Variants in AGFG1 observed in about 807,000 individuals in gnomAD.
The protein encoded by AGFG1 is arf-GAP domain and FG repeat-containing protein 1.
In AGFG1, 10 loss-of-function variants were observed where a neutral mutation model predicts 60.6. The ratio of observed to expected loss-of-function variants is 0.16; its 90% CI spans 0.10 to 0.28. The LOEUF (loss-of-function observed/expected upper bound fraction) is 0.28. Among genes scored for constraint, AGFG1 ranks in the 10% least tolerant of loss-of-function variants. AGFG1 has a pLI of 1.00. For missense variants in AGFG1, 537 were observed against 676.5 expected (o/e 0.79, Z 2.29); for synonymous variants, 247 against 242.9 (o/e 1.02, Z -0.16).
intron 4 of AGFG1, among the ~76,000 whole-genome samples, chr2:227,524,317 G>A (rs1336887309): frequency 2.0e-5 from 3 of 152,088 alleles, no homozygotes; most frequent in African/African-American, 4.8e-5. Context: ...GATTTCTTTA[G>A]TAGTAGAGTT....
chr2:227,478,112 A>G (rs1229524657), intron 1 of AGFG1, among the ~76,000 whole-genome samples: 2 of 148,956 alleles, frequency 1.3e-5, no homozygotes, highest in African/African-American at 4.9e-5. Flanking sequence ...GCATGTGCAT[A>G]CTACCATGTG....
chr2:227,513,582 C>A (rs1389810058), intron 2 of AGFG1, among the ~76,000 whole-genome samples: 1 of 152,334 alleles, frequency 6.6e-6, no homozygotes, highest in South Asian at 2.1e-4. Context: ...CCTGCTGTTA[C>A]TAACCCTGGG....
At chr2:227,489,068 G>C (rs2106165831) in intron 1 of AGFG1, among the ~76,000 whole-genome samples, 1 of 151,940 alleles carries the variant, frequency 6.6e-6, no homozygotes, top group East Asian at 1.9e-4. Flanking sequence ...TTCCACCTTG[G>C]CCTCCCAAAG....
At chr2:227,506,558 TAAAAAAAAAA>T (rs5839223) in intron 2 of AGFG1, among the ~76,000 whole-genome samples, 4 of 106,306 alleles carry the variant, frequency 3.8e-5, no homozygotes, top group Non-Finnish European at 5.4e-5. Flanking sequence ...TGATGTTCCT[TAAAAAAAAAA>T]AAAAAAAAAA....
chr2:227,523,967 AG>A (rs1232508576), intron 4 of AGFG1, 42 bp downstream of exon 4: 18 of 1,555,680 alleles, frequency 1.2e-5, no homozygotes, highest in African/African-American at 9.5e-5. Flanking sequence ...CGACTTAAAG[AG>A]GGCTTGAGTA....
At position 227,488,405 on chromosome 2, in the gene AGFG1, G is replaced by A. The variant is rs73081475; in HGVS notation, c.168-3142G>A. On this transcript the variant is annotated intron_variant, in intron 1 of 12. Coordinates refer to ENST00000310078, the MANE Select transcript of AGFG1 (RefSeq NM_004504.5). Reference sequence around the variant, plus strand: ...TCATTGAACAGTTTGAGAAGTATACGGGTATAGTTGTTTGCTCCAAAATTT... The same window carrying A: ...TCATTGAACAGTTTGAGAAGTATACAGGTATAGTTGTTTGCTCCAAAATTT... Among the ~76,000 whole-genome samples the A allele has an allele frequency of 5.7e-3, 862 of 152,318 alleles. 9 individuals carry two copies. Among genetic ancestry groups the A allele is most frequent in the African/African-American group, 0.019 (807 of 41,572 alleles).
intron 10 of AGFG1, among the ~76,000 whole-genome samples, chr2:227,537,582 A>G (rs1559194766): frequency 6.6e-6 from 1 of 151,824 alleles, no homozygotes; most frequent in East Asian, 1.9e-4. Flanking sequence ...TGTTGTCTCC[A>G]TTTTATTTTT....
intron 5 of AGFG1, among the ~76,000 whole-genome samples, chr2:227,525,536 A>G (rs571334681): frequency 6.6e-6 from 1 of 152,326 alleles, no homozygotes; most frequent in South Asian, 2.1e-4. Context: ...CAAGGTCCAC[A>G]GACTGCAGTT....
At position 227,531,168 on chromosome 2, in the gene AGFG1, T is replaced by G; in HGVS notation, c.772T>G (p.Phe258Val). 6.2e-7 allele frequency: 1 copy of G among 1,613,552 alleles called. No homozygotes were observed. Among genetic ancestry groups the G allele is most frequent in the South Asian group, 1.1e-5 (1 of 91,018 alleles). The change falls in exon 6 of 13, where the codon TTC becomes GTC. Residue 258 changes from phenylalanine (F) to valine (V), a missense_variant. Phe to Val is a conservative substitution (Grantham distance 50). Transcript: ENST00000310078. ...TAGTGGTTCGAGTAATTTTGGAGGT[T>G]TCCCCACAGCAAGTCACTCTCCTTT... Reference protein sequence around the residue: ...QSSGSSNFGGFPTASHSPFQP... With the variant: ...QSSGSSNFGGVPTASHSPFQP...
At chr2:227,504,955 T>C (rs13409350) in intron 2 of AGFG1, among the ~76,000 whole-genome samples, 6,887 of 152,296 alleles carry the variant, frequency 0.045, 199 homozygotes, top group African/African-American at 0.088. Flanking sequence ...CTGTGATTGA[T>C]GGTGTTTAGA....
intron 1 of AGFG1, 74 bp downstream of exon 1, chr2:227,472,662 C>A: frequency 6.8e-7 from 1 of 1,466,782 alleles, no homozygotes; most frequent in Non-Finnish European, 9.1e-7. Context: ...GACCGGGACC[C>A]TTCCGGGGCT....
intron 1 of AGFG1, among the ~76,000 whole-genome samples, chr2:227,484,804 A>G (rs925337866): frequency 2.7e-5 from 4 of 148,418 alleles, no homozygotes; most frequent in African/African-American, 7.5e-5. Context: ...CCTGGGTTCA[A>G]GTGATCTTCC....
At chr2:227,532,340 A>G (rs938288040) in intron 6 of AGFG1, 2 of 599,010 alleles carry the variant, frequency 3.3e-6, no homozygotes, top group Non-Finnish European at 5.3e-6. Flanking sequence ...TTCCAACTCT[A>G]TTTATTAAAC....
rs191472894 is a variant in AGFG1, at chr2:227,498,878, G to T, written c.261+7238G>T. Among the ~76,000 whole-genome samples the T allele has an allele frequency of 1.1e-3, 170 of 152,128 alleles. 2 individuals carry two copies. Among genetic ancestry groups the T allele is most frequent in the Admixed American group, 7.5e-3 (114 of 15,284 alleles). The stretch of plus-strand genomic sequence containing the variant: ...CATTCTAGCTTCCTGTAATCTCTTA[G>T]CTTGTTTTTTTCTTGCCATTGTGTG... On this transcript the variant is annotated intron_variant, in intron 2 of 12. Coordinates refer to ENST00000310078, the MANE Select transcript of AGFG1 (RefSeq NM_004504.5).
chr2:227,488,391 T>G (rs190604225), intron 1 of AGFG1, among the ~76,000 whole-genome samples: 1 of 152,336 alleles, frequency 6.6e-6, no homozygotes, highest in East Asian at 1.9e-4. Flanking sequence ...CATTGAACAG[T>G]TTGAGAAGTA....
At chr2:227,507,819 A>G (rs1559178443) in intron 2 of AGFG1, among the ~76,000 whole-genome samples, 1 of 152,058 alleles carries the variant, frequency 6.6e-6, no homozygotes, top group Non-Finnish European at 1.5e-5. Flanking sequence ...AACATTTCCA[A>G]CAGCAAGCAA....
intron 2 of AGFG1, among the ~76,000 whole-genome samples, chr2:227,500,799 A>AT (rs200944162): frequency 0.01 from 1,536 of 149,570 alleles, 7 homozygotes; most frequent in African/African-American, 0.014. Flanking sequence ...TAAAAAAAAA[A>AT]TTTTTTTTTT....
intron 10 of AGFG1, among the ~76,000 whole-genome samples, chr2:227,544,050 ATTTTGAGCCTATGT>A (rs1692569611): frequency 6.9e-6 from 1 of 144,398 alleles, no homozygotes; most frequent in South Asian, 2.2e-4. Flanking sequence ...CCATCCCTTT[ATTTTGAGCCTATGT>A]ATGTCTCTGC....
intron 10 of AGFG1, among the ~76,000 whole-genome samples, chr2:227,544,564 T>A (rs1273708540): frequency 2.6e-5 from 4 of 152,340 alleles, no homozygotes; most frequent in Non-Finnish European, 5.9e-5. Context: ...CGATGGTCTT[T>A]ACAGTTTGGC....
Sources: allele counts gnomAD v4.1 joint callset (sites outside exome capture counted in the v4.1 genomes callset), GRCh38; gene constraint gnomAD v4.1.1; transcripts MANE v1.5; gene names NCBI Gene and HGNC (gene_info 2026-07-23, HGNC 2026-07-21).